The following ABCE1 variants were observed in gnomAD, a reference collection of about 807,000 sequenced individuals.
ABCE1 encodes ATP-binding cassette sub-family E member 1.
A neutral mutation model predicts 83.4 loss-of-function variants in ABCE1; 22 were observed. The ratio of observed to expected loss-of-function variants is 0.26; its 90% CI spans 0.19 to 0.38. The LOEUF (loss-of-function observed/expected upper bound fraction) is 0.38, where lower values mean the gene tolerates loss of function less well. Among genes scored for constraint, ABCE1 ranks in the 10% least tolerant of loss-of-function variants. The pLI, the probability that ABCE1 is intolerant of heterozygous loss-of-function variation, is 1.00. For synonymous variants in ABCE1, 204 were observed against 233.7 expected (o/e 0.87, Z 1.16); for missense variants, 330 against 721.9 (o/e 0.46, Z 6.22).
chr4:145,123,730 C>CAAT (rs1749803042), intron 16 of ABCE1, 130 bp downstream of exon 16: 1 of 922,250 alleles, frequency 1.1e-6, no homozygotes, highest in East Asian at 2.8e-5. Flanking sequence ...CTCCTGAGAT[C>CAAT]ATTGGTATTG....
chr4:145,118,176 A>T (rs1579219534), intron 10 of ABCE1, among the ~76,000 whole-genome samples: 1 of 151,598 alleles, frequency 6.6e-6, no homozygotes, highest in Admixed American at 6.6e-5. Flanking sequence ...GGAAAAAAAT[A>T]CCATCTCCTA....
At chr4:145,101,572 A>G (rs937985157) in intron 1 of ABCE1, among the ~76,000 whole-genome samples, 17 of 152,182 alleles carry the variant, frequency 1.1e-4, no homozygotes, top group African/African-American at 4.1e-4. Flanking sequence ...GAAAGAGGTG[A>G]GGGTAAAAGC....
chr4:145,103,043 T>C (rs1236237248), intron 1 of ABCE1, among the ~76,000 whole-genome samples: 1 of 152,110 alleles, frequency 6.6e-6, no homozygotes, highest in East Asian at 1.9e-4. Context: ...GGCTGAAATC[T>C]TCAAAGAATG....
chr4:145,103,936 GT>G (rs1749224833), intron 1 of ABCE1, among the ~76,000 whole-genome samples: 1 of 151,652 alleles, frequency 6.6e-6, no homozygotes, highest in Admixed American at 6.6e-5. Flanking sequence ...GGGTTCTTTT[GT>G]TTGTTTTTTC....
At position 145,120,158 on chromosome 4, in the gene ABCE1, G is replaced by A. The variant is rs1469149077; in HGVS notation, c.1144+5G>A. On this transcript the variant is annotated splice_donor_5th_base_variant and intron_variant, in intron 11 of 17. Transcript: ENST00000296577. ...TGGTGATGCTGGGGGAAAATGGTAAGTTTTCTGTTTTGTGATAAGTAAAAA... is the reference window on the plus strand; with the variant it reads ...TGGTGATGCTGGGGGAAAATGGTAAATTTTCTGTTTTGTGATAAGTAAAAA... The A allele has an allele frequency of 1.3e-6, 2 of 1,594,212 alleles. No individual in the cohort carries two copies. Among genetic ancestry groups the A allele is most frequent in the African/African-American group, 2.7e-5 (2 of 73,570 alleles).
chr4:145,121,881 T>C (rs1343570399), intron 13 of ABCE1: 1 of 151,772 alleles, frequency 6.6e-6, no homozygotes, highest in Non-Finnish European at 1.5e-5. Context: ...CAAAAAAAAA[T>C]AAAAAAATAA....
chr4:145,109,318 G>A (rs1195275958), intron 5 of ABCE1, 69 bp downstream of exon 5: 3 of 798,038 alleles, frequency 3.8e-6, no homozygotes, highest in Middle Eastern at 2.4e-4. Context: ...GGGATGATAT[G>A]TATATTTTTA....
intron 1 of ABCE1, among the ~76,000 whole-genome samples, chr4:145,103,848 A>G (rs1385092602): frequency 1.3e-5 from 2 of 148,702 alleles, no homozygotes; most frequent in Admixed American, 6.8e-5. Flanking sequence ...TGTAACCTCC[A>G]CCTCCTAGGC....
At chr4:145,119,899 A>G (rs1321571163) in intron 10 of ABCE1, 33 bp from the exon 11 acceptor site, 1 of 1,546,620 alleles carries the variant, frequency 6.5e-7, no homozygotes, top group South Asian at 1.1e-5. Flanking sequence ...GGCTCTAATG[A>G]TTTCTCCCGG....
chr4:145,116,339 G>A (rs977573865), intron 9 of ABCE1, among the ~76,000 whole-genome samples: 1 of 151,832 alleles, frequency 6.6e-6, no homozygotes, highest in Non-Finnish European at 1.5e-5. Flanking sequence ...AAAGAAATAC[G>A]AGGGCCTGAA....
intron 16 of ABCE1, among the ~76,000 whole-genome samples, chr4:145,124,257 C>T (rs1370136165): frequency 6.6e-6 from 1 of 152,008 alleles, no homozygotes; most frequent in Non-Finnish European, 1.5e-5. Context: ...GTGGTTTCAG[C>T]ATGTTTTCTG....
rs1749951982 is a variant in ABCE1 at position 145,128,421 on chromosome 4, CTA to C, written c.*850_*851del. 6.6e-6 allele frequency: 1 copy of C among 152,196 alleles called. No homozygotes were observed. The highest frequency in any genetic ancestry group is 2.1e-4 in the South Asian group (1 of 4,826). The allele number at this position is 152,196 out of a possible 1,614,324, so 9.4% of individuals were successfully genotyped here. A position where few individuals can be genotyped will look rare whatever the true frequency, so the allele number is the denominator to read the frequency against. On this transcript the variant is annotated 3_prime_UTR_variant, in exon 18 of 18. Coordinates refer to ENST00000296577, the MANE Select transcript of ABCE1 (RefSeq NM_002940.3). The stretch of plus-strand genomic sequence containing the variant: ...ATCTTTAAAGATGGTGCCTAAGCAT[CTA>C]TGTATTTTTTTTAAGTTCCACAGAT...
intron 16 of ABCE1, 38 bp downstream of exon 16, chr4:145,123,638 T>C (rs1389650063): frequency 3.9e-6 from 6 of 1,532,432 alleles, no homozygotes; most frequent in Non-Finnish European, 5.3e-6. Context: ...GTAATTCATT[T>C]TAAATTTTCC....
chr4:145,118,576 T>C (rs962570750), intron 10 of ABCE1, among the ~76,000 whole-genome samples: 2 of 151,788 alleles, frequency 1.3e-5, no homozygotes, highest in African/African-American at 4.8e-5. Context: ...CCTTACTCTA[T>C]ACCATATGGT....
chr4:145,127,073 G>GAAC (rs1749907378), intron 17 of ABCE1, among the ~76,000 whole-genome samples: 2 of 152,046 alleles, frequency 1.3e-5, no homozygotes, highest in Non-Finnish European at 2.9e-5. Flanking sequence ...CCTAATAAGA[G>GAAC]AACAGCTCAA....
At chr4:145,127,393 C>T (rs966216852) in intron 17 of ABCE1, 133 bp from the exon 18 acceptor site, 8 of 720,246 alleles carry the variant, frequency 1.1e-5, no homozygotes, top group Non-Finnish European at 1.6e-5. Flanking sequence ...TATCCAGAAA[C>T]AGATGGTATG....
rs780721818 is a variant in ABCE1 at position 145,117,318 on chromosome 4, C to T, written c.826C>T (p.Leu276=). 1 of 1,607,976 alleles carries T rather than the reference C, an allele frequency of 6.2e-7. No individual in the cohort carries two copies. The highest frequency in any genetic ancestry group is 1.7e-5 in the Admixed American group (1 of 59,822). Residue 276 remains leucine, a synonymous_variant, in exon 10 of 18, where the codon CTA becomes TTA. Transcript: ENST00000296577. ...DRYIIVVEHD[L]SVLDYLSDFI... is the part of the protein sequence containing the mutation. ...ATATATCATTGTGGTGGAACATGAT[C>T]TAAGTGTATTAGACTATCTCTCCGA... is the stretch of plus-strand genomic sequence containing the variant.
chr4:145,115,774 C>T (rs544069498), intron 9 of ABCE1, among the ~76,000 whole-genome samples: 13 of 151,966 alleles, frequency 8.6e-5, no homozygotes, highest in African/African-American at 2.9e-4. Flanking sequence ...ATTTCAGAAC[C>T]TACTACTATC....
At chr4:145,123,979 T>C (rs540360594) in intron 16 of ABCE1, 82 of 159,902 alleles carry the variant, frequency 5.1e-4, no homozygotes, top group Non-Finnish European at 9.9e-4. Context: ...GTCCAACTTA[T>C]GCTGACAGTG....
Sources: gnomAD v4.1 joint callset for allele counts (sites outside exome capture counted in the v4.1 genomes callset) on GRCh38, gnomAD v4.1.1 for gene constraint, MANE v1.5 for transcripts, NCBI Gene and HGNC (gene_info 2026-07-23, HGNC 2026-07-21) for gene names.